Variants in RBFOX1 observed in about 807,000 individuals in gnomAD.
RBFOX1 encodes the protein RNA binding protein fox-1 homolog 1.
A neutral mutation model predicts 57.7 loss-of-function variants in RBFOX1; 8 were observed. That is an observed-to-expected ratio of 0.14 (90% CI 0.08 to 0.25). The LOEUF (loss-of-function observed/expected upper bound fraction) is 0.25. RBFOX1 is among the 10% of genes least tolerant of loss of function. The probability of loss-of-function intolerance (pLI) is 1.00; values close to 1 mark genes in which losing one functional copy is unlikely to be tolerated. For missense variants in RBFOX1, 611 were observed against 548.5 expected, an observed-to-expected ratio of 1.11 and a Z score of -1.14; for synonymous variants, 326 against 222.4, an observed-to-expected ratio of 1.47 and a Z score of -4.15.
At chr16:7,128,510 G>C (rs79110528) in intron 4 of RBFOX1, among the ~76,000 whole-genome samples, 5,669 of 152,284 alleles carry the variant, frequency 0.037, 348 homozygotes, top group African/African-American at 0.13. Context: ...GATATCCCCA[G>C]CAAGCTAGCC....
chr16:7,604,515 A>G, intron 9 of RBFOX1, among the ~76,000 whole-genome samples: 1 of 152,176 alleles, frequency 6.6e-6, no homozygotes. Context: ...TTATTTTTTT[A>G]TGAAGAGATT....
chr16:7,218,669 T>C (rs919468737), intron 4 of RBFOX1, among the ~76,000 whole-genome samples: 17 of 151,072 alleles, frequency 1.1e-4, no homozygotes, highest in South Asian at 2.1e-4. Flanking sequence ...TGTGTGTGTG[T>C]GTGTGTGTGT....
chr16:6,503,271 A>G (rs1446355573), intron 2 of RBFOX1, among the ~76,000 whole-genome samples: 2 of 152,144 alleles, frequency 1.3e-5, no homozygotes, highest in South Asian at 2.1e-4. Context: ...ATACTTATCT[A>G]TGGGCAGTCT....
At chr16:7,376,820 G>A (rs2097693807) in intron 4 of RBFOX1, among the ~76,000 whole-genome samples, 1 of 152,252 alleles carries the variant, frequency 6.6e-6, no homozygotes, top group Middle Eastern at 3.4e-3. Context: ...GAGATGGGGA[G>A]AATTCAGAGC....
At chr16:7,340,515 A>C (rs2096872158) in intron 4 of RBFOX1, among the ~76,000 whole-genome samples, 2 of 152,174 alleles carry the variant, frequency 1.3e-5, no homozygotes, top group South Asian at 2.1e-4. Context: ...GGGATATTCC[A>C]ACTCTTTTTA....
At chr16:7,192,850 AG>A (rs958573301) in intron 4 of RBFOX1, among the ~76,000 whole-genome samples, 7 of 152,224 alleles carry the variant, frequency 4.6e-5, no homozygotes, top group Non-Finnish European at 1.0e-4. Context: ...CTAATACGGA[AG>A]ATGAAGTCCG....
At position 5,946,521 on chromosome 16, in the gene RBFOX1, C is replaced by G. The variant is rs774585780; in HGVS notation, c.351+79186C>G. Among the ~76,000 whole-genome samples the G allele has an allele frequency of 6.6e-6, 1 of 151,846 alleles. No homozygotes were observed. The highest frequency in any genetic ancestry group is 1.5e-5 in the Non-Finnish European group (1 of 67,966). On this transcript the variant is annotated intron_variant, in intron 4 of 19. Coordinates refer to the RBFOX1 transcript ENST00000641259. The surrounding 1 kb of genome is among the most constrained non-coding windows in gnomAD (Gnocchi z 4.6). ...GGTGCCTGGAGAGGACATGGAAGTT[C>G]TACGCCCTTCCCCGTATCTCACTCT...
chr16:5,819,885 T>G (rs2151800894), intron 3 of RBFOX1, among the ~76,000 whole-genome samples: 1 of 152,344 alleles, frequency 6.6e-6, no homozygotes, highest in East Asian at 1.9e-4. Context: ...GCCCTGTCAC[T>G]TTTTCATTCA....
intron 4 of RBFOX1, among the ~76,000 whole-genome samples, chr16:5,985,013 C>T (rs1337149046): frequency 6.8e-5 from 8 of 117,590 alleles, no homozygotes; most frequent in African/African-American, 2.8e-4. Flanking sequence ...GACAGAGTTT[C>T]ACTCTGTCGC....
intron 3 of RBFOX1, among the ~76,000 whole-genome samples, chr16:5,750,361 C>T (rs1008937559): frequency 3.9e-5 from 6 of 152,166 alleles, no homozygotes; most frequent in Non-Finnish European, 8.8e-5. Context: ...ATGTCAAACT[C>T]CATGCTGGGA....
intron 2 of RBFOX1, among the ~76,000 whole-genome samples, chr16:6,589,966 C>T (rs558645864): frequency 7.2e-5 from 11 of 152,208 alleles, no homozygotes; most frequent in Non-Finnish European, 1.0e-4. Context: ...CAATAATGAC[C>T]ACAATTTCCA....
chr16:7,610,142 G>T (rs1486454429), intron 10 of RBFOX1, among the ~76,000 whole-genome samples: 1 of 19,638 alleles, frequency 5.1e-5, no homozygotes. Flanking sequence ...TTTTTTTTGA[G>T]GCAGTTTTGC....
chr16:6,125,556 G>C (rs2096583609), intron 1 of RBFOX1, among the ~76,000 whole-genome samples: 2 of 152,148 alleles, frequency 1.3e-5, no homozygotes, highest in South Asian at 4.1e-4. Context: ...CATATGCCTG[G>C]AGTGCACTTC....
At chr16:6,555,525 C>T (rs530431285) in intron 2 of RBFOX1, among the ~76,000 whole-genome samples, 1 of 152,154 alleles carries the variant, frequency 6.6e-6, no homozygotes, top group South Asian at 2.1e-4. Context: ...CAGTGAAACC[C>T]CGTCTCTACT....
intron 2 of RBFOX1, among the ~76,000 whole-genome samples, chr16:6,406,673 A>C (rs533572181): frequency 6.6e-6 from 1 of 151,824 alleles, no homozygotes; most frequent in African/African-American, 2.4e-5. Context: ...ATGCTCGGTC[A>C]ATTTTTGGAT....
At chr16:6,637,537 T>C (rs2098455111) in intron 2 of RBFOX1, among the ~76,000 whole-genome samples, 1 of 23,622 alleles carries the variant, frequency 4.2e-5, no homozygotes, top group South Asian at 1.9e-3. Flanking sequence ...CTGTATAGTA[T>C]ATACAATCTG....
At chr16:7,704,320 C>T (rs369783950) in intron 14 of RBFOX1, among the ~76,000 whole-genome samples, 1 of 152,172 alleles carries the variant, frequency 6.6e-6, no homozygotes, top group African/African-American at 2.4e-5. Context: ...TAGTTTTTCC[C>T]TGAAGGCTTT....
At chr16:7,247,224 G>A (rs543758658) in intron 4 of RBFOX1, among the ~76,000 whole-genome samples, 1 of 152,270 alleles carries the variant, frequency 6.6e-6, no homozygotes, top group Admixed American at 6.5e-5. Flanking sequence ...AAGGAGAAGT[G>A]CAAGAGAAAC....
At chr16:6,358,998 T>A (rs2087902110) in intron 2 of RBFOX1, among the ~76,000 whole-genome samples, 1 of 152,178 alleles carries the variant, frequency 6.6e-6, no homozygotes, top group Non-Finnish European at 1.5e-5. Context: ...AGGTAGCTGG[T>A]TTGGTTTGAG....
Sources: gnomAD v4.1 joint callset for allele counts (sites outside exome capture counted in the v4.1 genomes callset) on GRCh38, gnomAD v4.1.1 for gene constraint, Gnocchi (gnomAD v3.1) non-coding constraint, MANE v1.5 for transcripts, NCBI Gene and HGNC (gene_info 2026-07-23, HGNC 2026-07-21) for gene names.